Variants in RFX8 observed in about 807,000 individuals in gnomAD.
The protein encoded by RFX8 is DNA-binding protein RFX8.
Under a neutral mutation model 54.6 loss-of-function variants are expected in RFX8, and 46 were observed. That is an observed-to-expected ratio of 0.84 (90% CI 0.67 to 1.08). RFX8 has a LOEUF of 1.08. RFX8 is among the 50% of genes least tolerant of loss of function. The probability of loss-of-function intolerance (pLI) is 0.00; values close to 1 mark genes in which losing one functional copy is unlikely to be tolerated. For synonymous variants in RFX8, 192 were observed against 209.5 expected, an observed-to-expected ratio of 0.92 and a Z score of 0.72; for missense variants, 536 against 562.3, an observed-to-expected ratio of 0.95 and a Z score of 0.47.
chr2:101,465,277 C>T lies in RFX8; in HGVS notation c.72+1500G>A, dbSNP rs140830706. 1.3e-3 allele frequency among the ~76,000 whole-genome samples: 202 copies of T among 152,200 alleles called. 1 individual carries two copies. The highest frequency in any genetic ancestry group is 2.2e-3 in the Non-Finnish European group (152 of 68,004). On this transcript the variant is annotated intron_variant, in intron 2 of 11. Coordinates refer to ENST00000428343, the MANE Select transcript of RFX8 (RefSeq NM_001145664.2). ...CCTATAATCCCAGCACTTAGGGAGGCGGGCAGATCACGAGGTCGGGAGATC... is the reference window on the plus strand; with the variant it reads ...CCTATAATCCCAGCACTTAGGGAGGTGGGCAGATCACGAGGTCGGGAGATC...
At chr2:101,401,565 C>T (rs532816325) in intron 11 of RFX8, among the ~76,000 whole-genome samples, 29 of 152,288 alleles carry the variant, frequency 1.9e-4, no homozygotes, top group Middle Eastern at 3.4e-3. Context: ...AGGCGGATAG[C>T]GGCTAAACAT....
At chr2:101,412,561 C>CTG (rs1299858616) in intron 8 of RFX8, among the ~76,000 whole-genome samples, 1 of 152,194 alleles carries the variant, frequency 6.6e-6, no homozygotes, top group Non-Finnish European at 1.5e-5. Context: ...ACACAGGAGT[C>CTG]TGTGTGTGTA....
chr2:101,417,393 A>T (rs1227323979), intron 6 of RFX8, 141 bp downstream of exon 6: 9 of 711,638 alleles, frequency 1.3e-5, no homozygotes, highest in Non-Finnish European at 1.8e-5. Flanking sequence ...TTTTTGTGAG[A>T]CAGGATCTCA....
rs1403949081 is a variant in RFX8 at position 101,417,530 on chromosome 2, C to T, written c.502+4G>A. The T allele has an allele frequency of 1.3e-6, 2 of 1,544,530 alleles. No homozygotes were observed. Among genetic ancestry groups the T allele is most frequent in the South Asian group, 2.4e-5 (2 of 82,450 alleles). On this transcript the variant is annotated splice_donor_region_variant and intron_variant, in intron 6 of 11. Transcript: ENST00000428343. Reference sequence around the variant, plus strand: ...CAGAATTTATTTTTTTCATCGAAACCTACCTTTGAGTTTGGAGATCTGCAA... The same window carrying T: ...CAGAATTTATTTTTTTCATCGAAACTTACCTTTGAGTTTGGAGATCTGCAA...
At chr2:101,414,763 A>G (rs1686391375) in intron 7 of RFX8, 91 bp downstream of exon 7, 1 of 994,692 alleles carries the variant, frequency 1.0e-6, no homozygotes, top group East Asian at 2.7e-5. Context: ...AGATGGACAG[A>G]GCAACCACTC....
At chr2:101,437,787 TAAATTC>T in intron 2 of RFX8, among the ~76,000 whole-genome samples, 1 of 12,722 alleles carries the variant, frequency 7.9e-5, no homozygotes, top group Non-Finnish European at 4.1e-4. Flanking sequence ...AAGTTTTACT[TAAATTC>T]CCCAAGTTTT....
At chr2:101,447,927 T>C (rs1262241408) in intron 2 of RFX8, among the ~76,000 whole-genome samples, 3 of 152,240 alleles carry the variant, frequency 2.0e-5, no homozygotes, top group Non-Finnish European at 4.4e-5. Flanking sequence ...TCTTGGCTTC[T>C]AAGATGGTAC....
At chr2:101,463,039 C>T (rs968666818) in intron 2 of RFX8, among the ~76,000 whole-genome samples, 24 of 152,292 alleles carry the variant, frequency 1.6e-4, no homozygotes, top group Admixed American at 3.3e-4. Flanking sequence ...TCTGAAGGGT[C>T]CTCTTGTCTA....
At chr2:101,420,553 AC>A (rs1348220642) in intron 4 of RFX8, among the ~76,000 whole-genome samples, 2 of 145,908 alleles carry the variant, frequency 1.4e-5, no homozygotes, top group African/African-American at 2.5e-5. Flanking sequence ...ACACACACAC[AC>A]AAAAAAGAAA....
At chr2:101,469,727 A>C (rs1210062667) in intron 1 of RFX8, among the ~76,000 whole-genome samples, 1 of 152,062 alleles carries the variant, frequency 6.6e-6, no homozygotes, top group Non-Finnish European at 1.5e-5. Context: ...CATTTGTTCT[A>C]AGTCTCTATG....
intron 2 of RFX8, among the ~76,000 whole-genome samples, chr2:101,461,262 C>CAAAAAAAAA (rs11350961): frequency 4.1e-4 from 37 of 89,806 alleles, no homozygotes; most frequent in East Asian, 6.7e-4. Context: ...GACTCCATCT[C>CAAAAAAAAA]AAAAAAAAAA....
At chr2:101,402,808 A>G in intron 10 of RFX8, 56 bp from the exon 11 acceptor site, 1 of 1,440,454 alleles carries the variant, frequency 6.9e-7, no homozygotes. Flanking sequence ...CAATAAACAA[A>G]TCATTGTGAA....
chr2:101,445,043 G>GTGCT (rs1350140434), intron 2 of RFX8, among the ~76,000 whole-genome samples: 3 of 152,178 alleles, frequency 2.0e-5, no homozygotes, highest in Admixed American at 1.3e-4. Context: ...ATTGCATAGT[G>GTGCT]TGCTGCTGCT....
intron 2 of RFX8, among the ~76,000 whole-genome samples, chr2:101,438,046 T>C (rs1687883112): frequency 6.6e-6 from 1 of 151,966 alleles, no homozygotes; most frequent in South Asian, 2.1e-4. Context: ...CCTCTTTTTT[T>C]TTAATTTTAA....
At chr2:101,435,569 TAC>T (rs1382153927) in intron 2 of RFX8, among the ~76,000 whole-genome samples, 1 of 152,106 alleles carries the variant, frequency 6.6e-6, no homozygotes, top group Admixed American at 6.6e-5. Context: ...TACTCACACA[TAC>T]ACACACACAT....
At chr2:101,423,090 T>C (rs540150609) in intron 2 of RFX8, among the ~76,000 whole-genome samples, 1 of 152,152 alleles carries the variant, frequency 6.6e-6, no homozygotes, top group African/African-American at 2.4e-5. Context: ...AAACCCTGTC[T>C]CTACTAAAAA....
intron 6 of RFX8, among the ~76,000 whole-genome samples, chr2:101,416,197 G>C (rs1006423742): frequency 8.5e-5 from 13 of 152,088 alleles, no homozygotes; most frequent in African/African-American, 2.7e-4. Flanking sequence ...TGGCTGGGGA[G>C]GGGGGTGGAA....
intron 11 of RFX8, among the ~76,000 whole-genome samples, chr2:101,399,602 A>G (rs551199448): frequency 6.6e-6 from 1 of 152,342 alleles, no homozygotes; most frequent in Admixed American, 6.5e-5. Context: ...TCAGCTTAGG[A>G]GGCCGTGGTG....
chr2:101,398,830 G>A (rs1256257457), intron 11 of RFX8, among the ~76,000 whole-genome samples: 2 of 152,126 alleles, frequency 1.3e-5, no homozygotes, highest in South Asian at 2.1e-4. Flanking sequence ...AGAGATGTGT[G>A]CACCATAACT....
Sources: gnomAD v4.1 joint callset for allele counts (sites outside exome capture counted in the v4.1 genomes callset) on GRCh38, gnomAD v4.1.1 for gene constraint, MANE v1.5 for transcripts, NCBI Gene and HGNC (gene_info 2026-07-23, HGNC 2026-07-21) for gene names.